Variants in SNX17 observed in about 807,000 individuals in gnomAD.
SNX17 encodes the protein sorting nexin 17, also known as sorting nexin-17.
SNX17 carries 35 observed loss-of-function variants against 64.3 expected under a neutral mutation model. That is an observed-to-expected ratio of 0.54 (90% CI 0.42 to 0.72). SNX17 has a LOEUF of 0.72. Ranked by LOEUF, SNX17 falls within the 30% of genes least tolerant of loss-of-function variation. The pLI, the probability that SNX17 is intolerant of heterozygous loss-of-function variation, is 0.00. For synonymous variants in SNX17, 259 were observed against 230.2 expected (o/e 1.13, Z -1.13); for missense variants, 538 against 610.0 (o/e 0.88, Z 1.24).
Position 27,370,804 on chromosome 2 carries a change from G to T in SNX17, c.61G>T (p.Val21Leu). 1 of 1,543,412 alleles carries T rather than the reference G, an allele frequency of 6.5e-7. No homozygotes were observed. Residue 21 changes from valine (V) to leucine (L), a missense_variant and splice_region_variant, in exon 1 of 15, where the codon GTG becomes TTG. By Grantham distance (32) the Val-to-Leu change is conservative (BLOSUM62 1). Transcript: ENST00000233575. ...RSGDSGGSAY[V>L]AYNIHVNGVL... Reference sequence around the variant, plus strand: ...CGGGGACAGCGGCGGCTCCGCCTACGTGGTGAGGAGCGGCCGGAGCCGAGC... The same window carrying T: ...CGGGGACAGCGGCGGCTCCGCCTACTTGGTGAGGAGCGGCCGGAGCCGAGC...
At chr2:27,376,568 C>G in intron 14 of SNX17, 38 bp from the exon 15 acceptor site, 1 of 1,614,094 alleles carries the variant, frequency 6.2e-7, no homozygotes, top group South Asian at 1.1e-5. Context: ...GGATCTTGCA[C>G]GCCCAAGATC....
At chr2:27,371,592 A>G (rs1240059666) in intron 2 of SNX17, 15 of 646,058 alleles carry the variant, frequency 2.3e-5, no homozygotes, top group Non-Finnish European at 3.3e-5. Flanking sequence ...CTGCTCTAGT[A>G]GCCTTTACCC....
chr2:27,376,877 T>G lies in SNX17; in HGVS notation c.*158T>G. 3.1e-6 allele frequency: 2 copies of G among 635,438 alleles called. No individual in the cohort carries two copies. The highest frequency in any genetic ancestry group is 2.8e-6 in the Non-Finnish European group (1 of 363,404). 39.4% of individuals were successfully genotyped at this position (635,438 alleles called of 1,614,324 possible). ...AGGGGCCTCGTATCCTACCTTTCCT[T>G]GTCCCCTGGGCTGGCTGCACAGAGG... On this transcript the variant is annotated 3_prime_UTR_variant, in exon 15 of 15. Coordinates refer to ENST00000233575, the MANE Select transcript of SNX17 (RefSeq NM_014748.4).
chr2:27,375,698 G>A lies in SNX17; in HGVS notation c.967G>A (p.Val323Ile), dbSNP rs1310015713. ...GGTCACCCGCATGCGATGCTGGCGG[G>A]TCACCTCCTCTGTGAGTCGGGTTAG... ...FRVTRMRCWRVTSSVPLPSGS... is the reference protein window; with the variant it reads ...FRVTRMRCWRITSSVPLPSGS... The change falls in exon 10 of 15, where the codon GTC becomes ATC. Residue 323 changes from valine (V) to isoleucine (I), a missense_variant. Transcript: ENST00000233575. This position sits in a 1 kb window ranked among gnomAD's most constrained non-coding sequence, Gnocchi z 4.1. The A allele has an allele frequency of 5.6e-6, 9 of 1,614,054 alleles. No homozygotes were observed. Among genetic ancestry groups the A allele is most frequent in the South Asian group, 1.1e-5 (1 of 91,072 alleles).
chr2:27,371,639 C>T (rs1682563124), intron 2 of SNX17: 1 of 293,524 alleles, frequency 3.4e-6, no homozygotes, highest in Non-Finnish European at 6.2e-6. Context: ...CCACTACCTC[C>T]ACCCAGGCTG....
At chr2:27,373,127 G>A (rs1682808321) in intron 3 of SNX17, 120 bp from the exon 4 acceptor site, 2 of 1,597,526 alleles carry the variant, frequency 1.3e-6, no homozygotes, top group African/African-American at 2.7e-5. Context: ...AGGCCAGCTG[G>A]GGGATGTGGC....
chr2:27,376,210 T>C, intron 12 of SNX17, 27 bp downstream of exon 12: 8 of 1,613,662 alleles, frequency 5.0e-6, no homozygotes, highest in Non-Finnish European at 6.8e-6. Flanking sequence ...GACTGAGCAG[T>C]GAGCAGGTGT....
In SNX17 at chr2:27,374,138, A is replaced by G. The variant is rs762692378; in HGVS notation, c.486A>G (p.Leu162=). Reference sequence around the variant, plus strand: ...ATGACTTGATTGGATACTTTAGTCTATTCTTAGTTCGAGAAAAAGAGGATG... The same window carrying G: ...ATGACTTGATTGGATACTTTAGTCTGTTCTTAGTTCGAGAAAAAGAGGATG... ...LPDDLIGYFS[L]FLVREKEDGA... Residue 162 remains leucine (L), a synonymous_variant, in exon 6 of 15, where the codon CTA becomes CTG. Transcript: ENST00000233575. 3 of 1,614,130 alleles carry G rather than the reference A, an allele frequency of 1.9e-6. No individual in the cohort carries two copies. In the Admixed American group the frequency reaches 5.0e-5, roughly 27 times the overall value.
Position 27,376,808 on chromosome 2 carries a change from G to A in SNX17, c.*89G>A, listed in dbSNP as rs1683293874. ...GTGTCCCCCATGCTAGGGGCGGAGG[G>A]GTCTTTTCCTTCTTCTTTCCTACCT... On this transcript the variant is annotated 3_prime_UTR_variant, in exon 15 of 15. Coordinates refer to ENST00000233575, the MANE Select transcript of SNX17 (RefSeq NM_014748.4). 4.5e-6 allele frequency: 5 copies of A among 1,099,620 alleles called. 1 individual carries two copies. Among genetic ancestry groups the A allele is most frequent in the Middle Eastern group, 5.2e-4 (2 of 3,848 alleles). The allele number at this position is 1,099,620 out of a possible 1,614,324, so 68.1% of individuals were successfully genotyped here.
intron 7 of SNX17, 43 bp downstream of exon 7, chr2:27,374,476 C>T: frequency 6.5e-7 from 1 of 1,540,936 alleles, no homozygotes; most frequent in Non-Finnish European, 9.0e-7. Flanking sequence ...AGGTGCTGTG[C>T]TGGATTGGAT....
Position 27,373,908 on chromosome 2 carries a change from C to T in SNX17, c.369C>T (p.Leu123=), listed in dbSNP as rs1682888310. Residue 123 remains leucine (L), a synonymous_variant, in exon 5 of 15, where the codon CTC becomes CTT. Transcript: ENST00000233575. The part of the protein sequence containing the change: ...PTEEVSLEVL[L]SNGQKVLVNV... ...AGGAAGTGTCCTTGGAAGTGCTGCT[C>T]AGCAACGGGCAGAAAGTTCTGGTCA... 6.2e-7 allele frequency: 1 copy of T among 1,614,120 alleles called. No individual in the cohort carries two copies. The highest frequency in any genetic ancestry group is 1.1e-5 in the South Asian group (1 of 91,064).
Position 27,375,607 on chromosome 2 carries a change from G to A in SNX17, c.876G>A (p.Ala292=), listed in dbSNP as rs143476894. 110 of 1,614,168 alleles carry A rather than the reference G, an allele frequency of 6.8e-5. No homozygotes were observed. The highest frequency in any genetic ancestry group is 1.3e-4 in the African/African-American group (10 of 75,042). ...PEKDCPVVVS[A]GNSELSLQLR... The stretch of plus-strand genomic sequence containing the variant: ...AGGACTGTCCTGTGGTGGTGAGCGC[G>A]GGCAACAGTGAGCTCAGCCTGCAGC... The change falls in exon 10 of 15, where the codon GCG becomes GCA. Residue 292 remains alanine (A), a synonymous_variant. Transcript: ENST00000233575. The surrounding 1 kb of genome is among the most constrained non-coding windows in gnomAD (Gnocchi z 4.1).
At chr2:27,373,780 A>G in intron 4 of SNX17, 81 bp from the exon 5 acceptor site, 5 of 928,330 alleles carry the variant, frequency 5.4e-6, no homozygotes, top group South Asian at 4.1e-5. Context: ...AAGACACACA[A>G]GGGACCTAGA....
intron 11 of SNX17, 22 bp from the exon 12 acceptor site, chr2:27,376,084 T>C: frequency 6.2e-7 from 1 of 1,614,140 alleles, no homozygotes; most frequent in Middle Eastern, 1.6e-4. Flanking sequence ...CTCATCAAGC[T>C]GGACACTCTT....
chr2:27,375,886 G>A lies in SNX17; in HGVS notation c.1019G>A (p.Gly340Asp), dbSNP rs781776801. 6 of 1,614,180 alleles carry A rather than the reference G, an allele frequency of 3.7e-6. No individual in the cohort carries two copies. In the East Asian group the frequency reaches 8.9e-5, roughly 24 times the overall value. The change falls in exon 11 of 15, where the codon GGC becomes GAC. Residue 340 changes from glycine to aspartate, a missense_variant. Physicochemically the swap from Gly to Asp is moderately conservative, Grantham distance 94 (BLOSUM62 -1). Coordinates refer to ENST00000233575, the MANE Select transcript of SNX17 (RefSeq NM_014748.4). The surrounding 1 kb of genome is among the most constrained non-coding windows in gnomAD (Gnocchi z 4.1). ...GGAAGCACGAGCAGCCCAGGCCGGG[G>A]CCGGGGTGAGGTGCGCCTGGAACTG... ...PSGSTSSPGR[G>D]RGEVRLELAF... is the part of the protein sequence containing the mutation.
rs895400327 is a variant in SNX17 at position 27,376,463 on chromosome 2, G to C, written c.1258-16G>C. The C allele has an allele frequency of 1.9e-6, 3 of 1,613,990 alleles. No individual in the cohort carries two copies. In the African/African-American group the frequency reaches 4.0e-5, roughly 22 times the overall value. On this transcript the variant is annotated splice_polypyrimidine_tract_variant and intron_variant, in intron 13 of 14. Coordinates refer to ENST00000233575, the MANE Select transcript of SNX17 (RefSeq NM_014748.4). ...CTCCTAGTGAGTTTCTGACACCTCT[G>C]CCTCTTCTTCCCCAGGAGTCACCTG... is the stretch of plus-strand genomic sequence containing the variant.
At position 27,374,731 on chromosome 2, in the gene SNX17, G is replaced by T. The variant is rs1558304899; in HGVS notation, c.654G>T (p.Arg218=). 2 of 1,614,126 alleles carry T rather than the reference G, an allele frequency of 1.2e-6. No individual in the cohort carries two copies. The highest frequency in any genetic ancestry group is 1.7e-6 in the Non-Finnish European group (2 of 1,180,022). Residue 218 remains arginine, a synonymous_variant, in exon 8 of 15, where the codon CGG becomes CGT. Transcript: ENST00000233575. The part of the protein sequence containing the change: ...SAYDDDVMEN[R]VGLNLLYAQT... ...ATGATGACGATGTCATGGAGAACCG[G>T]GTTGGCCTGAACCTGCTTTATGCTC...
intron 2 of SNX17, 189 bp downstream of exon 2, chr2:27,371,532 C>T: frequency 8.3e-7 from 1 of 1,206,082 alleles, no homozygotes; most frequent in Non-Finnish European, 1.1e-6. Flanking sequence ...AATGTCCGCG[C>T]AACAACTGCT....
chr2:27,372,079 TC>T (rs1304403671), intron 2 of SNX17, among the ~76,000 whole-genome samples: 10 of 152,194 alleles, frequency 6.6e-5, no homozygotes, highest in African/African-American at 2.2e-4. Flanking sequence ...GAGAGGGGTT[TC>T]ACTATGTTGG....
Sources: gnomAD v4.1 joint callset for allele counts (sites outside exome capture counted in the v4.1 genomes callset) on GRCh38, gnomAD v4.1.1 for gene constraint, Gnocchi (gnomAD v3.1) non-coding constraint, MANE v1.5 for transcripts, NCBI Gene and HGNC (gene_info 2026-07-23, HGNC 2026-07-21) for gene names.